Variants in PLCG2 observed in about 807,000 individuals in gnomAD.
PLCG2 encodes phospholipase C gamma 2.
In PLCG2, 69 loss-of-function variants were observed where a neutral mutation model predicts 175.6. The ratio of observed to expected loss-of-function variants is 0.39; its 90% CI spans 0.32 to 0.48. The LOEUF is 0.48. PLCG2 is among the 20% of genes least tolerant of loss of function. The probability of loss-of-function intolerance (pLI) is 0.91; values close to 1 mark genes in which losing one functional copy is unlikely to be tolerated. For missense variants in PLCG2, 1,798 were observed against 1,650.9 expected, an observed-to-expected ratio of 1.09 and a Z score of -1.54; for synonymous variants, 827 against 624.0, an observed-to-expected ratio of 1.33 and a Z score of -4.85.
chr16:81,834,959 C>G (rs541989103), intron 2 of PLCG2, among the ~76,000 whole-genome samples: 20 of 152,134 alleles, frequency 1.3e-4, no homozygotes, highest in Admixed American at 1.2e-3. Context: ...GTAATCTGCT[C>G]TCTGGAGAAC....
chr16:81,911,790 CT>C (rs35027472), intron 18 of PLCG2, among the ~76,000 whole-genome samples: 542 of 67,248 alleles, frequency 8.1e-3, no homozygotes, highest in African/African-American at 0.023. Context: ...TTTGTATTTC[CT>C]TTTTTTTTTT....
At chr16:81,800,259 T>C (rs776413593) in intron 2 of PLCG2, among the ~76,000 whole-genome samples, 5 of 152,238 alleles carry the variant, frequency 3.3e-5, no homozygotes, top group Non-Finnish European at 5.9e-5. Flanking sequence ...ATGTGTGGGA[T>C]ACATAGGTAA....
intron 29 of PLCG2, 104 bp downstream of exon 29, chr16:81,939,019 A>C: frequency 1.4e-6 from 1 of 690,110 alleles, no homozygotes; most frequent in Non-Finnish European, 2.6e-6. Context: ...TAGTTGTCCC[A>C]GGGTTTTCTT....
At chr16:81,864,098 A>G (rs1907111635) in intron 5 of PLCG2, among the ~76,000 whole-genome samples, 2 of 152,080 alleles carry the variant, frequency 1.3e-5, no homozygotes, top group African/African-American at 4.8e-5. Context: ...CTAGAGGGCA[A>G]TTTTCAAATC....
At chr16:81,757,283 C>T (rs903860476) in intron 2 of PLCG2, among the ~76,000 whole-genome samples, 1 of 152,010 alleles carries the variant, frequency 6.6e-6, no homozygotes, top group African/African-American at 2.4e-5. Context: ...CTGCTAGGCC[C>T]TGGAAACAAA....
intron 1 of PLCG2, among the ~76,000 whole-genome samples, chr16:81,753,038 C>T (rs1391294624): frequency 6.6e-6 from 1 of 152,254 alleles, no homozygotes; most frequent in Admixed American, 6.5e-5. Flanking sequence ...GTATGAGCTA[C>T]TATTAGCTAG....
chr16:81,804,542 T>C (rs1291526943), intron 2 of PLCG2, among the ~76,000 whole-genome samples: 2 of 152,196 alleles, frequency 1.3e-5, no homozygotes, highest in Non-Finnish European at 2.9e-5. Context: ...ATTTTAACCA[T>C]CACTTCTGCT....
At chr16:81,917,305 G>T (rs959151790) in intron 19 of PLCG2, among the ~76,000 whole-genome samples, 2 of 148,004 alleles carry the variant, frequency 1.4e-5, no homozygotes, top group South Asian at 2.1e-4. Flanking sequence ...TTTATCTGTT[G>T]ATGGGCAGGC....
chr16:81,793,474 G>C (rs1425171648), intron 2 of PLCG2, among the ~76,000 whole-genome samples: 1 of 152,212 alleles, frequency 6.6e-6, no homozygotes, highest in African/African-American at 2.4e-5. Context: ...AGGGTCGGCT[G>C]TGGTGATGGG....
At chr16:81,892,149 G>T (rs1908667160) in intron 11 of PLCG2, among the ~76,000 whole-genome samples, 1 of 152,230 alleles carries the variant, frequency 6.6e-6, no homozygotes, top group East Asian at 1.9e-4. Flanking sequence ...CCTGGGGCAG[G>T]AACAACTGAG....
At chr16:81,824,187 G>A (rs111375906) in intron 2 of PLCG2, among the ~76,000 whole-genome samples, 28 of 147,948 alleles carry the variant, frequency 1.9e-4, no homozygotes, top group African/African-American at 6.7e-4. Flanking sequence ...AGGCTGGAGT[G>A]CAATGGCGTG....
At chr16:81,922,020 G>T (rs1269358815) in intron 21 of PLCG2, among the ~76,000 whole-genome samples, 1 of 152,186 alleles carries the variant, frequency 6.6e-6, no homozygotes, top group South Asian at 2.1e-4. Flanking sequence ...ATGTTTTGGC[G>T]ATGAGAACAG....
intron 1 of PLCG2, among the ~76,000 whole-genome samples, chr16:81,749,267 A>G (rs1422869444): frequency 6.6e-6 from 1 of 152,238 alleles, no homozygotes; most frequent in East Asian, 1.9e-4. Context: ...CTGAAGATGT[A>G]GATTTTAAAA....
intron 30 of PLCG2, among the ~76,000 whole-genome samples, chr16:81,940,422 G>A (rs1054907314): frequency 1.3e-5 from 2 of 152,102 alleles, no homozygotes; most frequent in African/African-American, 4.8e-5. Flanking sequence ...GGCTGGCAGT[G>A]TGAGAGGGTG....
At chr16:81,929,895 C>T (rs1910430898) in intron 24 of PLCG2, among the ~76,000 whole-genome samples, 1 of 152,370 alleles carries the variant, frequency 6.6e-6, no homozygotes, top group South Asian at 2.1e-4. Context: ...CATCTTCCCC[C>T]ATCCCTGTAT....
intron 14 of PLCG2, among the ~76,000 whole-genome samples, chr16:81,902,745 C>T (rs889423722): frequency 1.3e-5 from 2 of 152,058 alleles, no homozygotes; most frequent in African/African-American, 4.8e-5. Flanking sequence ...AAAGACATAC[C>T]CAAGACTGGG....
rs866311295 is a variant in PLCG2, at chr16:81,876,000, G to T, written c.649-4910G>T. On this transcript the variant is annotated intron_variant, in intron 7 of 32. Transcript: ENST00000564138. ...AGAAGTTAGATAGAATCTCTGGTTA[G>T]CTTTTCTTTTTCTTTCTTTTTTTTT... is the stretch of plus-strand genomic sequence containing the variant. 1.4e-5 allele frequency among the ~76,000 whole-genome samples: 2 copies of T among 143,470 alleles called. 1 individual carries two copies. Among genetic ancestry groups the T allele is most frequent in the African/African-American group, 5.1e-5 (2 of 39,564 alleles). 94.1% of individuals were successfully genotyped at this position (143,470 alleles called of 152,430 possible).
rs561921577 is a variant in PLCG2, at chr16:81,875,026, C to T, written c.648+4091C>T. ...TTGCCCAGGCTGGAGTGCAATGGCA[C>T]GATCTTGATTCACTGCAACCTCTTC... On this transcript the variant is annotated intron_variant, in intron 7 of 32. Coordinates refer to ENST00000564138, the MANE Select transcript of PLCG2 (RefSeq NM_002661.5). 6.6e-4 allele frequency among the ~76,000 whole-genome samples: 93 copies of T among 140,746 alleles called. No individual in the cohort carries two copies. In the South Asian group the frequency reaches 7.9e-3, roughly 12 times the overall value. The allele number at this position is 140,746 out of a possible 152,430, so 92.3% of individuals were successfully genotyped here.
chr16:81,825,840 G>T (rs1029499910), intron 2 of PLCG2, among the ~76,000 whole-genome samples: 11 of 152,104 alleles, frequency 7.2e-5, no homozygotes, highest in African/African-American at 2.7e-4. Flanking sequence ...TGTCCTTCAG[G>T]GGTTCAAGTC....
Sources: gnomAD v4.1 joint callset for allele counts (sites outside exome capture counted in the v4.1 genomes callset) on GRCh38, gnomAD v4.1.1 for gene constraint, MANE v1.5 for transcripts, NCBI Gene and HGNC (gene_info 2026-07-23, HGNC 2026-07-21) for gene names.